TRHDE: variants seen among roughly 807,000 people sequenced by gnomAD.
TRHDE encodes thyrotropin releasing hormone degrading enzyme.
TRHDE carries 72 observed loss-of-function variants against 125.7 expected under a neutral mutation model. That is an observed-to-expected ratio of 0.57 (90% CI 0.47 to 0.70). The LOEUF is 0.70. TRHDE is among the 30% of genes least tolerant of loss of function. TRHDE has a pLI of 0.00. For synonymous variants in TRHDE, 509 were observed against 509.1 expected, an observed-to-expected ratio of 1.00 and a Z score of 0.00; for missense variants, 1,110 against 1,327.1, an observed-to-expected ratio of 0.84 and a Z score of 2.54.
intron 2 of TRHDE, among the ~76,000 whole-genome samples, chr12:72,336,308 C>A (rs908516438): frequency 3.3e-5 from 5 of 152,284 alleles, no homozygotes; most frequent in South Asian, 2.1e-4. Context: ...GCAGCTAATA[C>A]AATCTCTCCT....
chr12:72,636,818 A>G (rs953000209), intron 15 of TRHDE, among the ~76,000 whole-genome samples: 5 of 152,050 alleles, frequency 3.3e-5, no homozygotes, highest in African/African-American at 4.8e-5. Flanking sequence ...ATTGATTTGC[A>G]TATATTGAAC....
chr12:72,105,397 G>C (rs1044609246), intron 1 of TRHDE, among the ~76,000 whole-genome samples: 1 of 152,164 alleles, frequency 6.6e-6, no homozygotes, highest in Non-Finnish European at 1.5e-5. Context: ...AATGGGAAGA[G>C]TGGTCTAGCC....
At chr12:72,157,748 A>T (rs1401987057) in intron 2 of TRHDE, among the ~76,000 whole-genome samples, 1 of 152,192 alleles carries the variant, frequency 6.6e-6, no homozygotes, top group African/African-American at 2.4e-5. Context: ...GAAGATGTTG[A>T]ATTGACTGTT....
intron 7 of TRHDE, among the ~76,000 whole-genome samples, chr12:72,544,791 T>G (rs1234254935): frequency 6.6e-6 from 1 of 151,614 alleles, no homozygotes; most frequent in East Asian, 1.9e-4. Context: ...TGTATATGTA[T>G]ATGTAATATA....
intron 6 of TRHDE, among the ~76,000 whole-genome samples, chr12:72,505,973 G>T (rs959809682): frequency 6.6e-6 from 1 of 152,102 alleles, no homozygotes; most frequent in Non-Finnish European, 1.5e-5. Context: ...CCTTATTTCT[G>T]CAAGGGGGAA....
At chr12:72,415,562 G>A (rs986404400) in intron 3 of TRHDE, among the ~76,000 whole-genome samples, 3 of 150,466 alleles carry the variant, frequency 2.0e-5, no homozygotes, top group African/African-American at 7.3e-5. Flanking sequence ...TCAGCCCCTG[G>A]TAATAATCAT....
intron 3 of TRHDE, among the ~76,000 whole-genome samples, chr12:72,404,725 T>C (rs548470524): frequency 1.2e-3 from 183 of 152,282 alleles, no homozygotes; most frequent in African/African-American, 4.3e-3. Flanking sequence ...CATCAGGTCC[T>C]TCTCACCACA....
At chr12:72,469,951 G>A in intron 4 of TRHDE, 39 bp downstream of exon 4, 1 of 1,591,858 alleles carries the variant, frequency 6.3e-7, no homozygotes. Context: ...TAATGTGAAA[G>A]CTATTGAAAA....
chr12:72,461,864 G>A (rs1370187632), intron 3 of TRHDE, among the ~76,000 whole-genome samples: 1 of 152,054 alleles, frequency 6.6e-6, no homozygotes, highest in Non-Finnish European at 1.5e-5. Context: ...ATTCCCCAAG[G>A]TGGGGAAGAA....
At chr12:72,652,660 G>C (rs1031661085) in intron 16 of TRHDE, among the ~76,000 whole-genome samples, 171 bp downstream of exon 16, 3 of 147,154 alleles carry the variant, frequency 2.0e-5, no homozygotes, top group Non-Finnish European at 4.5e-5. Flanking sequence ...GATTTCAGAG[G>C]TTATATCTTT....
At chr12:72,492,092 A>G (rs1187028573) in intron 5 of TRHDE, among the ~76,000 whole-genome samples, 1 of 152,032 alleles carries the variant, frequency 6.6e-6, no homozygotes, top group Non-Finnish European at 1.5e-5. Flanking sequence ...TGGCTTTAGT[A>G]TAAATGGACT....
At chr12:72,383,462 C>T (rs1053956457) in intron 3 of TRHDE, among the ~76,000 whole-genome samples, 1 of 147,196 alleles carries the variant, frequency 6.8e-6, no homozygotes, top group Non-Finnish European at 1.5e-5. Context: ...CTGCAACCTC[C>T]GCCTTCCGGG....
At chr12:72,215,033 C>T (rs946265510) in intron 2 of TRHDE, among the ~76,000 whole-genome samples, 1 of 152,068 alleles carries the variant, frequency 6.6e-6, no homozygotes, top group Admixed American at 6.6e-5. Context: ...GAAGAGACCA[C>T]GAAACAGGCT....
At chr12:72,099,079 C>T (rs943188785) in intron 1 of TRHDE, among the ~76,000 whole-genome samples, 20 of 151,844 alleles carry the variant, frequency 1.3e-4, no homozygotes, top group African/African-American at 4.6e-4. Flanking sequence ...GCAGGAGAAT[C>T]GCTTGAACCC....
intron 3 of TRHDE, among the ~76,000 whole-genome samples, chr12:72,467,730 G>C (rs1446155354): frequency 6.6e-6 from 1 of 152,122 alleles, no homozygotes; most frequent in Admixed American, 6.5e-5. Context: ...CAACAGAATC[G>C]CTTGAACCCG....
intron 16 of TRHDE, 42 bp from the exon 17 acceptor site, chr12:72,652,974 A>C (rs761076739): frequency 1.9e-6 from 3 of 1,541,878 alleles, no homozygotes; most frequent in Non-Finnish European, 2.6e-6. Context: ...AAAATGTTTA[A>C]GTTATTGGAC....
chr12:72,528,282 T>A (rs1868377521), intron 6 of TRHDE, among the ~76,000 whole-genome samples: 1 of 152,218 alleles, frequency 6.6e-6, no homozygotes, highest in African/African-American at 2.4e-5. Context: ...TCACTAACAT[T>A]AATCACGTAT....
At chr12:72,352,010 A>G (rs1274476402) in intron 2 of TRHDE, among the ~76,000 whole-genome samples, 2 of 151,854 alleles carry the variant, frequency 1.3e-5, no homozygotes, top group African/African-American at 4.8e-5. Context: ...ACTAGGTCAG[A>G]TTATTTTAGT....
Position 72,339,174 on chromosome 12 carries a change from T to C in TRHDE, c.1189-38821T>C, listed in dbSNP as rs930992348. 2.0e-5 allele frequency among the ~76,000 whole-genome samples: 3 copies of C among 152,188 alleles called. No homozygotes were observed. In the East Asian group the frequency reaches 5.8e-4, roughly 29 times the overall value. ...CTCTTGATTTCTTAGGATACTCCCA[T>C]AATTTTTTCCTTTTTGGTAAATTTT... On this transcript the variant is annotated intron_variant, in intron 2 of 18. Coordinates refer to ENST00000261180, the MANE Select transcript of TRHDE (RefSeq NM_013381.3).
Sources: gnomAD v4.1 joint callset for allele counts (sites outside exome capture counted in the v4.1 genomes callset) on GRCh38, gnomAD v4.1.1 for gene constraint, MANE v1.5 for transcripts, NCBI Gene and HGNC (gene_info 2026-07-23, HGNC 2026-07-21) for gene names.